DGKB: variants seen among roughly 807,000 people sequenced by gnomAD.
The protein encoded by DGKB is 90 kDa diacylglycerol kinase.
DGKB carries 67 observed loss-of-function variants against 114.3 expected under a neutral mutation model. The observed-to-expected ratio is 0.59, with a 90% CI of 0.48 to 0.72. DGKB has a LOEUF of 0.72. Ranked by LOEUF, DGKB falls within the 30% of genes least tolerant of loss-of-function variation. The probability of loss-of-function intolerance (pLI) is 0.00; values close to 1 mark genes in which losing one functional copy is unlikely to be tolerated. For missense variants in DGKB, 907 were observed against 975.2 expected (o/e 0.93, Z 0.93); for synonymous variants, 398 against 323.1 (o/e 1.23, Z -2.49).
At position 14,393,484 on chromosome 7, in the gene DGKB, A is replaced by T. The variant is rs182389276; in HGVS notation, c.1836-48093T>A. Among the ~76,000 whole-genome samples, 688 of 152,236 alleles carry T rather than the reference A, an allele frequency of 4.5e-3. 6 individuals are homozygous for T. The highest frequency in any genetic ancestry group is 0.016 in the African/African-American group (652 of 41,552). On this transcript the variant is annotated intron_variant, in intron 21 of 25. Transcript: ENST00000402815. ...ATTAATGCATACTATGTAGAAATTTATTCTTTCTTTTGATGTAATAATCTA... is the reference window on the plus strand; with the variant it reads ...ATTAATGCATACTATGTAGAAATTTTTTCTTTCTTTTGATGTAATAATCTA...
intron 1 of DGKB, among the ~76,000 whole-genome samples, chr7:14,857,201 T>C (rs1314536949): frequency 8.9e-6 from 1 of 112,472 alleles, no homozygotes; most frequent in Non-Finnish European, 1.7e-5. Context: ...GATCTCTCTC[T>C]CTCTGTCTCT....
At chr7:14,261,246 GAA>G (rs199583347) in intron 23 of DGKB, among the ~76,000 whole-genome samples, 3 of 139,618 alleles carry the variant, frequency 2.1e-5, no homozygotes, top group Non-Finnish European at 1.6e-5. Flanking sequence ...TCATTTCAGT[GAA>G]AAAAAAAAAG....
chr7:14,282,493 T>C (rs1584920140), intron 23 of DGKB, among the ~76,000 whole-genome samples: 1 of 151,804 alleles, frequency 6.6e-6, no homozygotes, highest in African/African-American at 2.4e-5. Context: ...AAAGAGGGAA[T>C]CCTCCCTCAC....
chr7:14,647,564 G>C (rs954422137), intron 13 of DGKB, among the ~76,000 whole-genome samples: 9 of 152,150 alleles, frequency 5.9e-5, no homozygotes, highest in Non-Finnish European at 1.2e-4. Context: ...TGATGAATAT[G>C]GGTGTAAAAA....
intron 1 of DGKB, among the ~76,000 whole-genome samples, chr7:14,882,097 C>T (rs2128214626): frequency 6.6e-6 from 1 of 151,894 alleles, no homozygotes; most frequent in South Asian, 2.1e-4. Flanking sequence ...ACAGAACATT[C>T]CCAGGCAAGA....
chr7:14,667,587 A>T (rs576514616), intron 13 of DGKB, among the ~76,000 whole-genome samples: 1 of 152,132 alleles, frequency 6.6e-6, no homozygotes, highest in African/African-American at 2.4e-5. Context: ...AATAATAAAA[A>T]CCAAAACAAC....
At chr7:14,481,696 T>C (rs1278892418) in intron 20 of DGKB, among the ~76,000 whole-genome samples, 1 of 151,954 alleles carries the variant, frequency 6.6e-6, no homozygotes, top group African/African-American at 2.4e-5. Flanking sequence ...ACTATATGGG[T>C]TTTTATTGTT....
chr7:14,275,811 A>G (rs1798907575), intron 23 of DGKB, among the ~76,000 whole-genome samples: 1 of 152,236 alleles, frequency 6.6e-6, no homozygotes, highest in South Asian at 2.1e-4. Context: ...CATAATTGCC[A>G]TGATATGATG....
At chr7:14,602,750 T>TTTCCTCTTATAAACA (rs1803787198) in intron 17 of DGKB, among the ~76,000 whole-genome samples, 1 of 152,174 alleles carries the variant, frequency 6.6e-6, no homozygotes, top group Admixed American at 6.5e-5. Flanking sequence ...TTGTTTGTAA[T>TTTCCTCTTATAAACA]TAGCCAGTCT....
intron 1 of DGKB, among the ~76,000 whole-genome samples, chr7:14,928,074 AAATAT>A (rs1389282472): frequency 2.0e-5 from 3 of 151,966 alleles, no homozygotes; most frequent in East Asian, 1.9e-4. Flanking sequence ...AAATCTAATT[AAATAT>A]AAGTCTTTTC....
chr7:14,467,678 A>T (rs964644657), intron 21 of DGKB, among the ~76,000 whole-genome samples: 3 of 152,106 alleles, frequency 2.0e-5, no homozygotes, highest in Non-Finnish European at 4.4e-5. Context: ...CCATTTTTTA[A>T]AAAATAAATC....
intron 8 of DGKB, among the ~76,000 whole-genome samples, chr7:14,697,331 T>G (rs904977241): frequency 1.9e-4 from 29 of 152,178 alleles, no homozygotes; most frequent in African/African-American, 7.0e-4. Flanking sequence ...ATAGTGTATC[T>G]ACCTCAGAGA....
intron 21 of DGKB, among the ~76,000 whole-genome samples, chr7:14,459,632 G>A (rs1348699729): frequency 2.0e-5 from 3 of 152,172 alleles, no homozygotes; most frequent in Non-Finnish European, 2.9e-5. Context: ...TTTGAATGGT[G>A]TACATGAAAG....
chr7:14,676,228 C>T (rs1335833030), intron 12 of DGKB, among the ~76,000 whole-genome samples: 2 of 149,982 alleles, frequency 1.3e-5, no homozygotes, highest in African/African-American at 5.1e-5. Flanking sequence ...TCAGGTACTG[C>T]TTACAGAACA....
At chr7:14,649,518 C>T (rs1042759875) in intron 13 of DGKB, among the ~76,000 whole-genome samples, 16 of 152,004 alleles carry the variant, frequency 1.1e-4, no homozygotes, top group Non-Finnish European at 2.1e-4. Context: ...AAAGGAACAA[C>T]CGGTACCAGT....
intron 1 of DGKB, among the ~76,000 whole-genome samples, chr7:14,942,340 C>T (rs903589801): frequency 5.9e-5 from 9 of 151,798 alleles, no homozygotes; most frequent in Non-Finnish European, 1.3e-4. Context: ...GTTTAAAACA[C>T]GATATATTCA....
rs777417238 is a variant in DGKB at position 14,466,195 on chromosome 7, CAAGCGCTCATTGAGTGCCTAG to C, written c.1835+11945_1835+11965del. Among the ~76,000 whole-genome samples, 16 of 152,258 alleles carry C rather than the reference CAAGCGCTCATTGAGTGCCTAG, an allele frequency of 1.1e-4. 1 individual carries two copies. Among genetic ancestry groups the C allele is most frequent in the South Asian group, 1.0e-3 (5 of 4,824 alleles). On this transcript the variant is annotated intron_variant, in intron 21 of 25. Transcript: ENST00000402815. ...CTTATCTTTCATTGAAAAATACGAA[CAAGCGCTCATTGAGTGCCTAG>C]GAGCACTCAACAAGCTTTGATCAAC...
chr7:14,180,537 G>A (rs1442488432), intron 23 of DGKB, among the ~76,000 whole-genome samples: 1 of 152,114 alleles, frequency 6.6e-6, no homozygotes, highest in Non-Finnish European at 1.5e-5. Flanking sequence ...TAATTTTATA[G>A]GAATAGTGCC....
rs148511375 is a variant in DGKB at position 14,894,437 on chromosome 7, C to T, written c.-188+8155G>A. ...TAATTTCTTTAATGTAGCTTTGAAA[C>T]TTCTTAGTGGAGAAAAATTTTTTAT... On this transcript the variant is annotated intron_variant, in intron 1 of 25. Coordinates refer to ENST00000402815, the MANE Select transcript of DGKB (RefSeq NM_001350709.2). Among the ~76,000 whole-genome samples, 1,086 of 151,434 alleles carry T rather than the reference C, an allele frequency of 7.2e-3. 2 individuals carry two copies. The highest frequency in any genetic ancestry group is 9.9e-3 in the Non-Finnish European group (671 of 67,526).
Sources: allele counts gnomAD v4.1 joint callset (sites outside exome capture counted in the v4.1 genomes callset), GRCh38; gene constraint gnomAD v4.1.1; transcripts MANE v1.5; gene names NCBI Gene and HGNC (gene_info 2026-07-23, HGNC 2026-07-21).